ORC3: variants seen among roughly 807,000 people sequenced by gnomAD.
The protein encoded by ORC3 is origin recognition complex subunit 3, also known as homolog of latheo, Drosophila.
In ORC3, 78 loss-of-function variants were observed where a neutral mutation model predicts 100.7. That is an observed-to-expected ratio of 0.77 (90% CI 0.65 to 0.94). The LOEUF (loss-of-function observed/expected upper bound fraction) is 0.94, where lower values mean the gene tolerates loss of function less well. Ranked by LOEUF, ORC3 falls within the 40% of genes least tolerant of loss-of-function variation. The probability of loss-of-function intolerance (pLI) is 0.00; values close to 1 mark genes in which losing one functional copy is unlikely to be tolerated. For synonymous variants in ORC3, 295 were observed against 289.3 expected, an observed-to-expected ratio of 1.02 and a Z score of -0.20; for missense variants, 789 against 823.9, an observed-to-expected ratio of 0.96 and a Z score of 0.52.
chr6:87,625,381 C>T (rs959589527), intron 11 of ORC3, among the ~76,000 whole-genome samples: 3 of 152,068 alleles, frequency 2.0e-5, no homozygotes, highest in Non-Finnish European at 2.9e-5. Flanking sequence ...TTTTAATGAC[C>T]GCCATTCTGA....
intron 1 of ORC3, among the ~76,000 whole-genome samples, chr6:87,591,349 T>A (rs530597714): frequency 6.6e-6 from 1 of 151,868 alleles, no homozygotes; most frequent in Admixed American, 6.6e-5. Flanking sequence ...TGAAGAAGGC[T>A]ATGTCATGGA....
chr6:87,631,918 T>G (rs1353087874), intron 11 of ORC3, among the ~76,000 whole-genome samples: 1 of 152,184 alleles, frequency 6.6e-6, no homozygotes, highest in East Asian at 1.9e-4. Context: ...ATCCCGACAC[T>G]TTGGGAGGCC....
At chr6:87,593,912 G>A (rs1403689377) in intron 1 of ORC3, among the ~76,000 whole-genome samples, 1 of 152,244 alleles carries the variant, frequency 6.6e-6, no homozygotes. Context: ...GGCCAGGCTG[G>A]TCTCAAACTC....
chr6:87,612,568 G>A (rs1362975438), intron 8 of ORC3, among the ~76,000 whole-genome samples: 4 of 152,050 alleles, frequency 2.6e-5, no homozygotes, highest in Admixed American at 2.0e-4. Flanking sequence ...AGAATTTGTA[G>A]ACTTTGTAGT....
At chr6:87,648,817 CT>C (rs1481343702) in intron 13 of ORC3, among the ~76,000 whole-genome samples, 2 of 152,114 alleles carry the variant, frequency 1.3e-5, no homozygotes, top group Non-Finnish European at 2.9e-5. Context: ...TAATCAGACC[CT>C]TTTTTGATAC....
chr6:87,616,281 G>A, intron 8 of ORC3, 33 bp from the exon 9 acceptor site: 1 of 790,444 alleles, frequency 1.3e-6, no homozygotes, highest in Non-Finnish European at 2.2e-6. Flanking sequence ...GACTAACAAG[G>A]AGTGTGTCCC....
chr6:87,653,293 A>G, intron 14 of ORC3, 44 bp downstream of exon 14: 2 of 1,577,878 alleles, frequency 1.3e-6, no homozygotes, highest in Non-Finnish European at 1.7e-6. Flanking sequence ...CATGACAGTC[A>G]TTTAACTAAA....
the ORC3 span, chr6:87,675,996 AAC>A: frequency 1.5e-6 from 2 of 1,341,364 alleles, no homozygotes; most frequent in Admixed American, 3.7e-5. Flanking sequence ...ATAAACTGAA[AAC>A]ACAAAATATA....
At chr6:87,631,808 T>C (rs1767443308) in intron 11 of ORC3, among the ~76,000 whole-genome samples, 1 of 152,144 alleles carries the variant, frequency 6.6e-6, no homozygotes, top group Non-Finnish European at 1.5e-5. Context: ...TTTTCTCATA[T>C]ATCAAAACCT....
chr6:87,601,726 T>G, intron 2 of ORC3, 58 bp from the exon 3 acceptor site: 2 of 1,019,916 alleles, frequency 2.0e-6, no homozygotes, highest in Admixed American at 2.0e-5. Context: ...GCACGTAAGA[T>G]CTATAACTTA....
chr6:87,642,720 G>T (rs1046203661), intron 13 of ORC3, among the ~76,000 whole-genome samples: 1 of 151,420 alleles, frequency 6.6e-6, no homozygotes, highest in African/African-American at 2.4e-5. Context: ...GGCTAACACG[G>T]TGAAACCCTG....
chr6:87,646,335 CTT>C (rs968365524), intron 13 of ORC3, among the ~76,000 whole-genome samples: 12 of 152,002 alleles, frequency 7.9e-5, no homozygotes, highest in Admixed American at 6.6e-4. Context: ...ATAAATCGCT[CTT>C]TTGTGGCATT....
At chr6:87,648,425 G>GT (rs1314974340) in intron 13 of ORC3, among the ~76,000 whole-genome samples, 3 of 151,972 alleles carry the variant, frequency 2.0e-5, no homozygotes, top group East Asian at 1.9e-4. Flanking sequence ...TGCATTTTTT[G>GT]TTTTTTTGTG....
At chr6:87,627,421 T>G (rs1259553374) in intron 11 of ORC3, among the ~76,000 whole-genome samples, 3 of 146,414 alleles carry the variant, frequency 2.0e-5, no homozygotes, top group African/African-American at 5.1e-5. Flanking sequence ...TCAGCCTCCC[T>G]CGTAGCTGGG....
In ORC3 at chr6:87,603,396, G is replaced by T; in HGVS notation, c.190G>T (p.Glu64Ter). The T allele has an allele frequency of 6.7e-7, 1 of 1,492,814 alleles. No homozygotes were observed. The highest frequency in any genetic ancestry group is 1.4e-5 in the South Asian group (1 of 73,792). The allele number at this position is 1,492,814 out of a possible 1,614,324, so 92.5% of individuals were successfully genotyped here. A position where few individuals can be genotyped will look rare whatever the true frequency, so the allele number is the denominator to read the frequency against. ...MKSENERLQEELNKNLFDNLI... is the reference protein window; with the variant it reads ...MKSENERLQE ...GTGTTCTTTGTAGCGACTACAAGAG[G>T]AATTAAATAAAAACTTGTTTGACAA... Residue 64 changes from glutamate (E) to a stop codon, truncating the protein, a stop_gained, in exon 4 of 20, where the codon GAA becomes TAA. Coordinates refer to ENST00000392844, the MANE Select transcript of ORC3 (RefSeq NM_012381.4). LOFTEE classifies it high-confidence loss of function.
Position 87,603,507 on chromosome 6 carries a change from C to A in ORC3, c.301C>A (p.Pro101Thr), listed in dbSNP as rs1260270452. The A allele has an allele frequency of 1.3e-6, 2 of 1,519,590 alleles. No individual in the cohort carries two copies. The highest frequency in any genetic ancestry group is 1.4e-5 in the African/African-American group (1 of 74,004). 94.1% of individuals were successfully genotyped at this position (1,519,590 alleles called of 1,614,324 possible). A position where few individuals can be genotyped will look rare whatever the true frequency, so the allele number is the denominator to read the frequency against. ...CGGTCAAATAAAACTCAGAGAAATT[C>A]CAACTGCTGCTCTTGTTCTTGGTAT... ...LGGQIKLREI[P>T]TAALVLGVNV... Residue 101 changes from proline (P) to threonine (T), a missense_variant, in exon 4 of 20, where the codon CCA becomes ACA. Pro to Thr is a conservative substitution (Grantham distance 38, BLOSUM62 -1). Transcript: ENST00000392844.
chr6:87,631,744 G>A (rs1322968310), intron 11 of ORC3, among the ~76,000 whole-genome samples: 2 of 151,892 alleles, frequency 1.3e-5, no homozygotes, highest in Admixed American at 1.3e-4. Flanking sequence ...CACCCGCCTC[G>A]GCCTCCCAAA....
chr6:87,621,355 T>C lies in ORC3; in HGVS notation c.989T>C (p.Leu330Pro). ...SVQNFIKGLQ[L>P]SLLEHFYSQP... is the part of the protein sequence containing the mutation. Reference sequence around the variant, plus strand: ...GTTTAATCTTCACATGTCTTTCAGCTTTCTCTATTAGAGCATTTCTATTCC... The same window carrying C: ...GTTTAATCTTCACATGTCTTTCAGCCTTCTCTATTAGAGCATTTCTATTCC... The change falls in exon 10 of 20, where the codon CTT (leucine) becomes CCT (proline). Residue 330 changes from leucine to proline, a missense_variant and splice_region_variant. By Grantham distance (98) the Leu-to-Pro change is moderately conservative. Coordinates refer to ENST00000392844, the MANE Select transcript of ORC3 (RefSeq NM_012381.4). 1 of 1,512,272 alleles carries C rather than the reference T, an allele frequency of 6.6e-7. No homozygotes were observed. The highest frequency in any genetic ancestry group is 8.8e-7 in the Non-Finnish European group (1 of 1,136,220). 93.7% of individuals were successfully genotyped at this position (1,512,272 alleles called of 1,614,324 possible).
rs28381479 is a variant in ORC3 at position 87,605,388 on chromosome 6, C to T, written c.323-529C>T. Among the ~76,000 whole-genome samples the T allele has an allele frequency of 2.0e-4, 30 of 152,328 alleles. No homozygotes were observed. In the East Asian group the frequency reaches 3.3e-3, roughly 17 times the overall value. Reference sequence around the variant, plus strand: ...AGGGTCGGCTGGGCACAGTGGCTCACGCCTGTAATCCCAGCACGTTGGGAG... The same window carrying T: ...AGGGTCGGCTGGGCACAGTGGCTCATGCCTGTAATCCCAGCACGTTGGGAG... On this transcript the variant is annotated intron_variant, in intron 4 of 19. Coordinates refer to ENST00000392844, the MANE Select transcript of ORC3 (RefSeq NM_012381.4).
Sources: allele counts gnomAD v4.1 joint callset (sites outside exome capture counted in the v4.1 genomes callset), GRCh38; gene constraint gnomAD v4.1.1; transcripts MANE v1.5; gene names NCBI Gene and HGNC (gene_info 2026-07-23, HGNC 2026-07-21).